The following CDK14 variants were observed in gnomAD, a reference collection of about 807,000 sequenced individuals.
CDK14 encodes cyclin dependent kinase 14.
In CDK14, 34 loss-of-function variants were observed where a neutral mutation model predicts 60.7. The observed-to-expected ratio is 0.56, with a 90% confidence interval of 0.43 to 0.75. The LOEUF is 0.75. CDK14 is among the 30% of genes least tolerant of loss of function. The pLI is 0.00. For missense variants in CDK14, 482 were observed against 564.1 expected, an observed-to-expected ratio of 0.85 and a Z score of 1.47; for synonymous variants, 197 against 203.7, an observed-to-expected ratio of 0.97 and a Z score of 0.28.
chr7:90,742,700 A>G (rs1176753624), intron 3 of CDK14, among the ~76,000 whole-genome samples: 3 of 151,660 alleles, frequency 2.0e-5, no homozygotes, highest in African/African-American at 7.3e-5. Flanking sequence ...TCTTTTATGT[A>G]TTGGTTTGGC....
chr7:91,184,120 A>G (rs2374414), intron 14 of CDK14, among the ~76,000 whole-genome samples: 76,175 of 148,164 alleles, frequency 0.51, 19,801 homozygotes, highest in Middle Eastern at 0.59. Flanking sequence ...CAGGAGAATC[A>G]CTTGAACCCA....
At chr7:90,657,783 G>A (rs888074026) in intron 2 of CDK14, among the ~76,000 whole-genome samples, 3 of 152,058 alleles carry the variant, frequency 2.0e-5, no homozygotes, top group African/African-American at 7.3e-5. Flanking sequence ...AAATTTAATG[G>A]CCATCTGTTT....
intron 8 of CDK14, among the ~76,000 whole-genome samples, chr7:90,946,862 C>T (rs1391330625): frequency 6.6e-6 from 1 of 152,168 alleles, no homozygotes; most frequent in Non-Finnish European, 1.5e-5. Context: ...TCACGGTCCC[C>T]GTCTCCCAGC....
At chr7:90,653,697 C>A (rs991012450) in intron 2 of CDK14, among the ~76,000 whole-genome samples, 1 of 152,156 alleles carries the variant, frequency 6.6e-6, no homozygotes, top group Non-Finnish European at 1.5e-5. Flanking sequence ...ACTTTAAGTT[C>A]TAGGGTACAT....
intron 12 of CDK14, among the ~76,000 whole-genome samples, chr7:91,104,852 A>G (rs1221573966): frequency 1.3e-5 from 2 of 152,324 alleles, no homozygotes; most frequent in South Asian, 2.1e-4. Context: ...AAAGAGAGAG[A>G]TGGGGCAATG....
At chr7:91,048,712 A>G (rs1797306667) in intron 11 of CDK14, among the ~76,000 whole-genome samples, 1 of 152,184 alleles carries the variant, frequency 6.6e-6, no homozygotes, top group South Asian at 2.1e-4. Flanking sequence ...TTAGATGACA[A>G]AAGGAATTTC....
intron 10 of CDK14, among the ~76,000 whole-genome samples, chr7:91,045,298 T>C (rs1467137192): frequency 6.6e-6 from 1 of 151,818 alleles, no homozygotes; most frequent in Admixed American, 6.6e-5. Flanking sequence ...GATAGAAAAA[T>C]AGATGGAGAA....
At chr7:91,140,453 TCC>T (rs1800421381) in intron 14 of CDK14, among the ~76,000 whole-genome samples, 1 of 152,240 alleles carries the variant, frequency 6.6e-6, no homozygotes, top group East Asian at 1.9e-4. Flanking sequence ...GTCATGGGCT[TCC>T]TTTACTTTGA....
chr7:90,983,446 G>A (rs538276891), intron 9 of CDK14, among the ~76,000 whole-genome samples: 7 of 152,230 alleles, frequency 4.6e-5, no homozygotes, highest in Admixed American at 1.3e-4. Flanking sequence ...TTGGGAGGCC[G>A]AGACGGGCGG....
chr7:91,197,697 G>A (rs967219267), intron 14 of CDK14, among the ~76,000 whole-genome samples: 2 of 152,184 alleles, frequency 1.3e-5, no homozygotes, highest in African/African-American at 2.4e-5. Context: ...AAGTACTTTG[G>A]ATAGGAGAAA....
At chr7:91,179,366 A>C (rs1208243838) in intron 14 of CDK14, among the ~76,000 whole-genome samples, 1 of 81,462 alleles carries the variant, frequency 1.2e-5, no homozygotes, top group African/African-American at 4.8e-5. Context: ...GGGTGGGGGG[A>C]GGGAGGAGGG....
chr7:90,615,649 T>A lies in CDK14; in HGVS notation c.123+11400T>A, dbSNP rs542408776. 3.0e-4 allele frequency among the ~76,000 whole-genome samples: 46 copies of A among 152,344 alleles called. No homozygotes were observed. In the South Asian group the frequency reaches 9.5e-3, roughly 32 times the overall value. On this transcript the variant is annotated intron_variant, in intron 2 of 14. Transcript: ENST00000380050. ...ACCAGGAATTTGGCTTATTCCAGAT[T>A]TGCCCATGGGAATGTGCCAAATATG...
rs183771457 is a variant in CDK14 at position 91,169,585 on chromosome 7, C to A, written c.*29-37580C>A. Among the ~76,000 whole-genome samples, 20 of 152,274 alleles carry A rather than the reference C, an allele frequency of 1.3e-4. 1 individual carries two copies. In the East Asian group the frequency reaches 3.9e-3, roughly 29 times the overall value. On this transcript the variant is annotated intron_variant, in intron 14 of 14. Coordinates refer to ENST00000380050, the MANE Select transcript of CDK14 (RefSeq NM_001287135.2). ...AAAACAAAATAATACACACAGTAAG[C>A]CTGGTCTTGTTCACACTTATTTGAG...
At chr7:90,749,676 C>T (rs1803740680) in intron 4 of CDK14, among the ~76,000 whole-genome samples, 1 of 152,236 alleles carries the variant, frequency 6.6e-6, no homozygotes, top group South Asian at 2.1e-4. Flanking sequence ...GGATCTGGAG[C>T]ACTTACACTC....
intron 1 of CDK14, chr7:90,597,448 G>A (rs1799217455): frequency 1.3e-5 from 2 of 152,146 alleles, no homozygotes; most frequent in Admixed American, 6.6e-5. Flanking sequence ...GTTGTAATAG[G>A]GTGACAGCAG....
chr7:90,990,090 A>T (rs1189592520), intron 10 of CDK14, among the ~76,000 whole-genome samples: 1 of 152,202 alleles, frequency 6.6e-6, no homozygotes, highest in Non-Finnish European at 1.5e-5. Flanking sequence ...AAAACAGTAT[A>T]ACAGGAGAGT....
At chr7:90,906,506 C>T (rs1001018652) in intron 7 of CDK14, among the ~76,000 whole-genome samples, 3 of 152,188 alleles carry the variant, frequency 2.0e-5, no homozygotes, top group East Asian at 3.9e-4. Flanking sequence ...GTGATCAAAT[C>T]ATTTTGCTTC....
At chr7:90,699,312 C>T (rs1038308740) in intron 2 of CDK14, among the ~76,000 whole-genome samples, 6 of 152,220 alleles carry the variant, frequency 3.9e-5, no homozygotes, top group African/African-American at 1.4e-4. Flanking sequence ...TGGTTCCTAA[C>T]AGCTTAGTGC....
At chr7:90,800,063 T>C (rs1788579755) in intron 5 of CDK14, among the ~76,000 whole-genome samples, 1 of 152,316 alleles carries the variant, frequency 6.6e-6, no homozygotes, top group African/African-American at 2.4e-5. Context: ...GTAAACTCTG[T>C]AGTATTGAAC....
Sources: gnomAD v4.1 joint callset for allele counts (sites outside exome capture counted in the v4.1 genomes callset) on GRCh38, gnomAD v4.1.1 for gene constraint, MANE v1.5 for transcripts, NCBI Gene and HGNC (gene_info 2026-07-23, HGNC 2026-07-21) for gene names.